FSD1L: variants seen among roughly 807,000 people sequenced by gnomAD.
FSD1L encodes fibronectin type III and SPRY domain containing 1 like, also known as FSD1-like protein.
FSD1L carries 45 observed loss-of-function variants against 71.6 expected under a neutral mutation model. The ratio of observed to expected loss-of-function variants is 0.63; its 90% CI spans 0.49 to 0.81. The LOEUF is 0.81. Among genes scored for constraint, FSD1L ranks in the 30% least tolerant of loss-of-function variants. FSD1L has a pLI of 0.00. For synonymous variants in FSD1L, 197 were observed against 207.2 expected (o/e 0.95, Z 0.42); for missense variants, 561 against 618.1 (o/e 0.91, Z 0.98).
intron 13 of FSD1L, among the ~76,000 whole-genome samples, chr9:105,542,579 G>A (rs1464922392): frequency 1.3e-5 from 2 of 151,996 alleles, no homozygotes; most frequent in African/African-American, 4.8e-5. Context: ...TTAGCCTCCC[G>A]AGTAGCTGGG....
chr9:105,485,533 G>GGT (rs1554705301), intron 7 of FSD1L, among the ~76,000 whole-genome samples: 844 of 79,460 alleles, frequency 0.011, 15 homozygotes, highest in Middle Eastern at 0.026. Flanking sequence ...TTGGTTAGGT[G>GGT]TTTTTTTTTT....
chr9:105,474,159 GTTGTA>G (rs892167219), intron 5 of FSD1L, among the ~76,000 whole-genome samples: 8 of 152,274 alleles, frequency 5.3e-5, no homozygotes, highest in East Asian at 1.9e-4. Context: ...ACATACCTCA[GTTGTA>G]TTGTATAGTC....
upstream of FSD1L, among the ~76,000 whole-genome samples, chr9:105,445,163 G>A (rs1251047277): frequency 6.6e-6 from 1 of 152,206 alleles, no homozygotes; most frequent in Non-Finnish European, 1.5e-5. Flanking sequence ...TGGCTGTGAT[G>A]GGAGAACTTG....
chr9:105,460,316 G>T (rs1830607514), intron 1 of FSD1L, among the ~76,000 whole-genome samples: 1 of 152,130 alleles, frequency 6.6e-6, no homozygotes, highest in African/African-American at 2.4e-5. Context: ...GTAATCGCTG[G>T]GAGTGGTGGC....
At chr9:105,539,805 A>G (rs1044335838) in intron 13 of FSD1L, among the ~76,000 whole-genome samples, 1 of 152,168 alleles carries the variant, frequency 6.6e-6, no homozygotes, top group Admixed American at 6.5e-5. Context: ...AGATTAATCC[A>G]TATTCTATGT....
intron 2 of FSD1L, 40 bp from the exon 3 acceptor site, chr9:105,464,196 C>T: frequency 9.9e-7 from 1 of 1,011,690 alleles, no homozygotes; most frequent in South Asian, 1.5e-5. Flanking sequence ...TGTAACTCTT[C>T]CATTGAAATA....
intron 10 of FSD1L, chr9:105,520,071 C>T (rs1272533714): frequency 1.8e-5 from 28 of 1,553,726 alleles, no homozygotes; most frequent in Non-Finnish European, 2.3e-5. Flanking sequence ...CCTCCACTTT[C>T]TGCCGCTGGG....
chr9:105,472,062 G>A (rs768191090), intron 5 of FSD1L, 57 bp downstream of exon 5: 38 of 1,388,880 alleles, frequency 2.7e-5, no homozygotes, highest in East Asian at 6.0e-5. Flanking sequence ...TTAAAAAGGC[G>A]TTTTTGTTTT....
intron 10 of FSD1L, chr9:105,525,007 T>A (rs995833427): frequency 2.5e-6 from 4 of 1,569,584 alleles, no homozygotes; most frequent in Admixed American, 3.8e-5. Flanking sequence ...GAGGTTTATC[T>A]GCTGGCCTTG....
At chr9:105,472,182 G>T in intron 5 of FSD1L, 177 bp downstream of exon 5, 2 of 729,894 alleles carry the variant, frequency 2.7e-6, no homozygotes, top group Non-Finnish European at 4.0e-6. Flanking sequence ...ACTTAGAAGT[G>T]TGTGTCTTTA....
At chr9:105,473,274 C>G (rs982766849) in intron 5 of FSD1L, 51 of 152,448 alleles carry the variant, frequency 3.3e-4, no homozygotes, top group African/African-American at 1.1e-3. Context: ...CTGCTGCACT[C>G]TAGCCTGGGC....
In FSD1L at chr9:105,476,772, GA is replaced by G. The variant is rs544250501; in HGVS notation, c.442-2573del. On this transcript the variant is annotated intron_variant, in intron 5 of 13. Coordinates refer to ENST00000481272, the MANE Select transcript of FSD1L (RefSeq NM_001145313.3). The stretch of plus-strand genomic sequence containing the variant: ...ACCTTTCTGTTTTGAGAGAATTCTA[GA>G]AAAAAAAATTATTTTCCAATTTAAG... 8.4e-3 allele frequency among the ~76,000 whole-genome samples: 1,279 copies of G among 151,446 alleles called. 20 individuals carry two copies. The highest frequency in any genetic ancestry group is 0.03 in the African/African-American group (1,220 of 41,348).
intron 11 of FSD1L, among the ~76,000 whole-genome samples, chr9:105,534,832 G>A (rs1836161482): frequency 6.6e-6 from 1 of 152,138 alleles, no homozygotes; most frequent in Non-Finnish European, 1.5e-5. Context: ...GCCGGGAGGG[G>A]GGATAGTAAG....
Position 105,508,691 on chromosome 9 carries a change from G to T in FSD1L, c.871G>T (p.Asp291Tyr). The stretch of plus-strand genomic sequence containing the variant: ...CAAGGCTGTGGCTGGAGAGTATTCT[G>T]ATCCAGTGACTCTAGAGACCAAAGG... ...CNKAVAGEYS[D>Y]PVTLETKALN... The change falls in exon 9 of 14, where the codon GAT becomes TAT. Residue 291 changes from aspartate to tyrosine, a missense_variant. Asp to Tyr is a radical substitution (Grantham distance 160, BLOSUM62 -3). Transcript: ENST00000481272. The T allele has an allele frequency of 6.5e-7, 1 of 1,549,380 alleles. No individual in the cohort carries two copies.
At chr9:105,539,866 A>T (rs951555251) in intron 13 of FSD1L, among the ~76,000 whole-genome samples, 2 of 152,124 alleles carry the variant, frequency 1.3e-5, no homozygotes, top group African/African-American at 4.8e-5. Flanking sequence ...TTCTGTGACT[A>T]TATCAATTGA....
intron 10 of FSD1L, chr9:105,521,021 C>A: frequency 1.9e-6 from 3 of 1,612,178 alleles, no homozygotes; most frequent in Non-Finnish European, 2.5e-6. Flanking sequence ...TTCCAAACAT[C>A]TGTAAGGAAA....
intron 7 of FSD1L, among the ~76,000 whole-genome samples, chr9:105,498,312 T>C (rs1390135855): frequency 6.6e-6 from 1 of 151,890 alleles, no homozygotes; most frequent in East Asian, 1.9e-4. Flanking sequence ...TGGGGATACA[T>C]TCTAAGAAAT....
intron 1 of FSD1L, among the ~76,000 whole-genome samples, chr9:105,455,868 C>T (rs1006484338): frequency 1.3e-5 from 2 of 152,126 alleles, no homozygotes; most frequent in African/African-American, 4.8e-5. Flanking sequence ...AGTTTGACCC[C>T]CTTAAATTAT....
chr9:105,498,296 C>T (rs533526840), intron 7 of FSD1L, among the ~76,000 whole-genome samples: 1 of 151,284 alleles, frequency 6.6e-6, no homozygotes, highest in South Asian at 2.1e-4. Flanking sequence ...AATCATTTGT[C>T]AGTGGTGGGG....
Sources: gnomAD v4.1 joint callset for allele counts (sites outside exome capture counted in the v4.1 genomes callset) on GRCh38, gnomAD v4.1.1 for gene constraint, MANE v1.5 for transcripts, NCBI Gene and HGNC (gene_info 2026-07-23, HGNC 2026-07-21) for gene names.